GNG7: variants seen among roughly 807,000 people sequenced by gnomAD.
The protein encoded by GNG7 is guanine nucleotide-binding protein G(I)/G(S)/G(O) subunit gamma-7.
GNG7 carries 1 observed loss-of-function variant against 4.0 expected under a neutral mutation model. The observed-to-expected ratio is 0.25, with a 90% CI of 0.09 to 1.18. The LOEUF is 1.18. Among genes scored for constraint, GNG7 ranks in the 50% most tolerant of loss-of-function variants. The pLI, the probability that GNG7 is intolerant of heterozygous loss-of-function variation, is 0.50. For synonymous variants in GNG7, 34 were observed against 36.9 expected (o/e 0.92, Z 0.29); for missense variants, 86 against 91.9 (o/e 0.94, Z 0.26).
At chr19:2,676,715 C>T (rs1262382288) in intron 1 of GNG7, among the ~76,000 whole-genome samples, 2 of 152,220 alleles carry the variant, frequency 1.3e-5, no homozygotes, top group Admixed American at 6.5e-5. Context: ...CGCGCCCAGC[C>T]TCTTTGGTGG....
intron 2 of GNG7, among the ~76,000 whole-genome samples, chr19:2,581,856 CAG>C (rs1380684739): frequency 1.3e-5 from 2 of 152,136 alleles, no homozygotes; most frequent in African/African-American, 4.8e-5. Context: ...GTTAGAGAAA[CAG>C]AGAATGTCTG....
At chr19:2,700,802 C>G (rs1913383213) in intron 1 of GNG7, 1 of 152,174 alleles carries the variant, frequency 6.6e-6, no homozygotes, top group African/African-American at 2.4e-5. Context: ...CACAGGCGCA[C>G]CTCCCAGAGG....
chr19:2,674,683 G>A (rs1181701379), intron 1 of GNG7, among the ~76,000 whole-genome samples: 2 of 152,130 alleles, frequency 1.3e-5, no homozygotes, highest in Admixed American at 1.3e-4. Flanking sequence ...TGATCCACCC[G>A]CCTTGGCCTC....
At chr19:2,646,160 T>A (rs1982660622) in intron 2 of GNG7, 64 bp downstream of exon 2, 1 of 152,172 alleles carries the variant, frequency 6.6e-6, no homozygotes, top group Non-Finnish European at 1.5e-5. Flanking sequence ...ACGTCTTACA[T>A]CCAGGGTGCA....
intron 2 of GNG7, among the ~76,000 whole-genome samples, chr19:2,576,815 CTAAGA>C (rs1980356538): frequency 6.6e-6 from 1 of 152,088 alleles, no homozygotes; most frequent in South Asian, 2.1e-4. Context: ...TCCTGAGTAG[CTAAGA>C]TTACAGGAGT....
Position 2,592,827 on chromosome 19 carries a change from AGAGG to A in GNG7, c.-77-37643_-77-37640del, listed in dbSNP as rs1317175859. On this transcript the variant is annotated intron_variant, in intron 2 of 4. Coordinates refer to ENST00000382159, the MANE Select transcript of GNG7 (RefSeq NM_052847.3). Reference sequence around the variant, plus strand: ...AAGAAAGAAAGAAAGAGAGAGAGAGAGAGGGAGGGAGGGAGAGAGGGAGAGAGGC... The same window carrying A: ...AAGAAAGAAAGAAAGAGAGAGAGAGAGAGGGAGGGAGAGAGGGAGAGAGGC... Among the ~76,000 whole-genome samples, 32 of 89,096 alleles carry A rather than the reference AGAGG, an allele frequency of 3.6e-4. 1 individual carries two copies. Among genetic ancestry groups the A allele is most frequent in the Admixed American group, 1.2e-3 (10 of 8,424 alleles). 58.5% of individuals were successfully genotyped at this position (89,096 alleles called of 152,430 possible).
chr19:2,596,537 T>A lies in GNG7; in HGVS notation c.-77-41349A>T, dbSNP rs1028908954. Reference sequence around the variant, plus strand: ...AAAAAAAATTAAGCAGGTGTAGTGATATCCACCTGTGGTCCCAGCTACTCA... The same window carrying A: ...AAAAAAAATTAAGCAGGTGTAGTGAAATCCACCTGTGGTCCCAGCTACTCA... On this transcript the variant is annotated intron_variant, in intron 2 of 4. Coordinates refer to ENST00000382159, the MANE Select transcript of GNG7 (RefSeq NM_052847.3). Among the ~76,000 whole-genome samples the A allele has an allele frequency of 3.3e-5, 5 of 152,100 alleles. No homozygotes were observed. In the East Asian group the frequency reaches 9.7e-4, roughly 29 times the overall value.
At chr19:2,575,467 G>A (rs908303112) in intron 2 of GNG7, among the ~76,000 whole-genome samples, 9 of 151,978 alleles carry the variant, frequency 5.9e-5, no homozygotes, top group Admixed American at 2.0e-4. Flanking sequence ...GTGTGGACAC[G>A]CAGGCACACG....
At chr19:2,615,155 C>T (rs1981684382) in intron 2 of GNG7, among the ~76,000 whole-genome samples, 1 of 151,376 alleles carries the variant, frequency 6.6e-6, no homozygotes, top group Non-Finnish European at 1.5e-5. Context: ...AAGGTGCCAT[C>T]TGTGACACTC....
At chr19:2,665,391 T>C (rs1983283836) in intron 1 of GNG7, among the ~76,000 whole-genome samples, 1 of 148,812 alleles carries the variant, frequency 6.7e-6, no homozygotes, top group Non-Finnish European at 1.5e-5. Flanking sequence ...CACCCTGCCG[T>C]GCTGGACAGT....
chr19:2,568,031 A>T lies in GNG7; in HGVS notation c.-77-12843T>A, dbSNP rs149568303. ...AACAGAGACACGGGCATGCAAGCAC[A>T]CATGCACACACGTGCAGATACACAC... On this transcript the variant is annotated intron_variant, in intron 2 of 4. Transcript: ENST00000382159. 9.9e-5 allele frequency among the ~76,000 whole-genome samples: 15 copies of T among 152,284 alleles called. No homozygotes were observed. In the East Asian group the frequency reaches 2.9e-3, roughly 29 times the overall value.
At chr19:2,670,910 A>C (rs576164191) in intron 1 of GNG7, among the ~76,000 whole-genome samples, 2 of 152,218 alleles carry the variant, frequency 1.3e-5, no homozygotes, top group South Asian at 4.1e-4. Context: ...TGCCCTGCTG[A>C]GGTCCCAGGA....
intron 2 of GNG7, among the ~76,000 whole-genome samples, chr19:2,571,190 C>T (rs963634165): frequency 6.6e-5 from 10 of 152,242 alleles, no homozygotes; most frequent in Middle Eastern, 6.8e-3. Context: ...GGAAGCCTGA[C>T]GACGCCCAGT....
chr19:2,512,278 G>T lies in GNG7; in HGVS notation c.*2744C>A, dbSNP rs759142225. 3 of 985,844 alleles carry T rather than the reference G, an allele frequency of 3.0e-6. No individual in the cohort carries two copies. Among genetic ancestry groups the T allele is most frequent in the South Asian group, 9.4e-5 (2 of 21,288 alleles). The allele number at this position is 985,844 out of a possible 1,614,324, so 61.1% of individuals were successfully genotyped here. ...GGATTCCCGGCAGAAAAGCACATGT[G>T]GCGGTCGGTGTGTGCACTCGGGTGC... On this transcript the variant is annotated 3_prime_UTR_variant, in exon 5 of 5. Coordinates refer to ENST00000382159, the MANE Select transcript of GNG7 (RefSeq NM_052847.3). This position sits in a 1 kb window ranked among gnomAD's most constrained non-coding sequence, Gnocchi z 4.7.
chr19:2,620,970 G>A (rs565187711), intron 2 of GNG7, among the ~76,000 whole-genome samples: 20 of 152,224 alleles, frequency 1.3e-4, no homozygotes, highest in East Asian at 5.8e-4. Context: ...TCCTGCAGGC[G>A]CTCTGAAGGT....
At chr19:2,643,318 G>A (rs765224984) in intron 2 of GNG7, 11 of 423,380 alleles carry the variant, frequency 2.6e-5, no homozygotes, top group South Asian at 1.6e-4. Context: ...GACCTCCCCG[G>A]ACTCTGCACA....
At chr19:2,597,263 G>A (rs551528522) in intron 2 of GNG7, among the ~76,000 whole-genome samples, 2 of 152,042 alleles carry the variant, frequency 1.3e-5, no homozygotes, top group African/African-American at 2.4e-5. Flanking sequence ...AGAAGATCCT[G>A]TCTCTAAGAT....
At chr19:2,552,909 G>A (rs574548832) in intron 3 of GNG7, among the ~76,000 whole-genome samples, 1 of 150,248 alleles carries the variant, frequency 6.7e-6, no homozygotes, top group Non-Finnish European at 1.5e-5. Context: ...CCACTCCCTG[G>A]GGCCAAAAAG....
chr19:2,674,908 T>C (rs899910019), intron 1 of GNG7, among the ~76,000 whole-genome samples: 2 of 152,204 alleles, frequency 1.3e-5, no homozygotes, highest in South Asian at 2.1e-4. Flanking sequence ...AACTGTGCCA[T>C]TGTACGTCAC....
Sources: gnomAD v4.1 joint callset for allele counts (sites outside exome capture counted in the v4.1 genomes callset) on GRCh38, gnomAD v4.1.1 for gene constraint, Gnocchi (gnomAD v3.1) non-coding constraint, MANE v1.5 for transcripts, NCBI Gene and HGNC (gene_info 2026-07-23, HGNC 2026-07-21) for gene names.